SLC24A3: variants seen among roughly 807,000 people sequenced by gnomAD.
SLC24A3 encodes the protein solute carrier family 24 member 3.
A neutral mutation model predicts 75.8 loss-of-function variants in SLC24A3; 28 were observed. The ratio of observed to expected loss-of-function variants is 0.37; its 90% CI spans 0.27 to 0.51. The LOEUF is 0.51. Among genes scored for constraint, SLC24A3 ranks in the 20% least tolerant of loss-of-function variants. The pLI, the probability that SLC24A3 is intolerant of heterozygous loss-of-function variation, is 0.94. For missense variants in SLC24A3, 663 were observed against 847.8 expected (o/e 0.78, Z 2.71); for synonymous variants, 372 against 334.1 (o/e 1.11, Z -1.24).
chr20:19,697,918 T>C (rs562638845), intron 14 of SLC24A3, among the ~76,000 whole-genome samples: 2 of 152,290 alleles, frequency 1.3e-5, no homozygotes, highest in South Asian at 2.1e-4. Context: ...GCGTCTCACA[T>C]TGCTGTAAAG....
intron 1 of SLC24A3, among the ~76,000 whole-genome samples, chr20:19,269,370 T>G (rs1457770246): frequency 1.3e-5 from 2 of 152,238 alleles, no homozygotes. Context: ...ACCACTCACC[T>G]ACCAGATGTG....
chr20:19,485,123 AT>A (rs1438887969), intron 2 of SLC24A3, among the ~76,000 whole-genome samples: 1 of 152,038 alleles, frequency 6.6e-6, no homozygotes, highest in South Asian at 2.1e-4. Flanking sequence ...ATTTCTGTCA[AT>A]TTTTTTTAAA....
rs117487790 is a variant in SLC24A3, at chr20:19,644,512, T to C, written c.613-9550T>C. ...AGGCACACACTTAGCTGTGGGGAGA[T>C]TGTCTGTTCAGTCCTCACAGAAATG... On this transcript the variant is annotated intron_variant, in intron 6 of 16. Transcript: ENST00000328041. 2.5e-3 allele frequency among the ~76,000 whole-genome samples: 385 copies of C among 152,236 alleles called. 1 individual carries two copies. Among genetic ancestry groups the C allele is most frequent in the Non-Finnish European group, 4.1e-3 (280 of 68,012 alleles).
chr20:19,561,492 T>C (rs1043614936), intron 3 of SLC24A3, among the ~76,000 whole-genome samples: 2 of 152,156 alleles, frequency 1.3e-5, no homozygotes, highest in African/African-American at 2.4e-5. Context: ...ACCACTCCTA[T>C]GTGTCTGTTT....
At chr20:19,515,128 C>G (rs1466133804) in intron 2 of SLC24A3, among the ~76,000 whole-genome samples, 1 of 152,216 alleles carries the variant, frequency 6.6e-6, no homozygotes, top group Non-Finnish European at 1.5e-5. Context: ...TATTAGAAAA[C>G]AAATTTGCAA....
intron 6 of SLC24A3, among the ~76,000 whole-genome samples, chr20:19,591,259 C>T (rs2031373188): frequency 6.6e-6 from 1 of 152,262 alleles, no homozygotes; most frequent in African/African-American, 2.4e-5. Context: ...GATACGATCT[C>T]CTGAAGTCAG....
intron 3 of SLC24A3, among the ~76,000 whole-genome samples, chr20:19,577,462 G>T (rs4814869): frequency 0.61 from 92,897 of 151,998 alleles, 29,339 homozygotes; most frequent in Non-Finnish European, 0.67. Context: ...AGCATCCCAG[G>T]CTCCTCAGAA....
At chr20:19,586,944 A>G (rs2031305479) in intron 6 of SLC24A3, among the ~76,000 whole-genome samples, 1 of 152,190 alleles carries the variant, frequency 6.6e-6, no homozygotes, top group Non-Finnish European at 1.5e-5. Flanking sequence ...TAAATCTCCC[A>G]TAAATGTAGT....
intron 2 of SLC24A3, among the ~76,000 whole-genome samples, chr20:19,316,434 G>T (rs532100221): frequency 6.6e-6 from 1 of 152,378 alleles, no homozygotes; most frequent in Non-Finnish European, 1.5e-5. Context: ...ATCAGGGTTT[G>T]CTCCACCTCC....
At chr20:19,463,798 G>A (rs1449523469) in intron 2 of SLC24A3, among the ~76,000 whole-genome samples, 7 of 152,170 alleles carry the variant, frequency 4.6e-5, no homozygotes, top group Non-Finnish European at 7.3e-5. Flanking sequence ...GGATGTAAAG[G>A]GCTCCCCCTG....
chr20:19,224,952 A>T (rs1270956358), intron 1 of SLC24A3, among the ~76,000 whole-genome samples: 1 of 152,238 alleles, frequency 6.6e-6, no homozygotes, highest in African/African-American at 2.4e-5. Flanking sequence ...TGTAGTTAGT[A>T]CATGGGAAAA....
At chr20:19,355,648 A>G (rs1985665800) in intron 2 of SLC24A3, among the ~76,000 whole-genome samples, 1 of 152,216 alleles carries the variant, frequency 6.6e-6, no homozygotes, top group Non-Finnish European at 1.5e-5. Context: ...CATAGCATAA[A>G]ATAGAACAAC....
intron 6 of SLC24A3, 59 bp from the exon 7 acceptor site, chr20:19,654,003 C>A (rs1305514582): frequency 1.4e-6 from 2 of 1,437,804 alleles, no homozygotes; most frequent in Non-Finnish European, 1.9e-6. Flanking sequence ...CTGCAAGAGT[C>A]CCGCCATCTC....
intron 2 of SLC24A3, among the ~76,000 whole-genome samples, chr20:19,507,425 AC>A (rs1239135818): frequency 6.6e-6 from 1 of 152,352 alleles, no homozygotes; most frequent in African/African-American, 2.4e-5. Context: ...GCTACAAAAT[AC>A]AATAATGTTA....
chr20:19,341,593 G>A (rs1340366145), intron 2 of SLC24A3, among the ~76,000 whole-genome samples: 1 of 152,132 alleles, frequency 6.6e-6, no homozygotes, highest in African/African-American at 2.4e-5. Context: ...AAGGACTCAG[G>A]ACTCAAGACA....
chr20:19,546,409 T>C (rs1256427709), intron 3 of SLC24A3, among the ~76,000 whole-genome samples: 1 of 152,222 alleles, frequency 6.6e-6, no homozygotes. Context: ...CCTTCTCCCA[T>C]CTTTTAAAGT....
chr20:19,227,438 C>T (rs751764955), intron 1 of SLC24A3, among the ~76,000 whole-genome samples: 55 of 151,692 alleles, frequency 3.6e-4, no homozygotes, highest in African/African-American at 9.4e-4. Flanking sequence ...ATCTGGCCCA[C>T]GCCGTATCTC....
At chr20:19,411,751 G>A (rs868837810) in intron 2 of SLC24A3, among the ~76,000 whole-genome samples, 14 of 152,208 alleles carry the variant, frequency 9.2e-5, no homozygotes, top group South Asian at 4.1e-4. Context: ...GAGCAGAAAC[G>A]CAAATGTTTC....
At chr20:19,532,244 C>G (rs947323076) in intron 3 of SLC24A3, among the ~76,000 whole-genome samples, 1 of 152,246 alleles carries the variant, frequency 6.6e-6, no homozygotes, top group Non-Finnish European at 1.5e-5. Flanking sequence ...GCTCTGCCCT[C>G]AGGGCCCAAT....
Sources: allele counts gnomAD v4.1 joint callset (sites outside exome capture counted in the v4.1 genomes callset), GRCh38; gene constraint gnomAD v4.1.1; transcripts MANE v1.5; gene names NCBI Gene and HGNC (gene_info 2026-07-23, HGNC 2026-07-21).